Variants in PSMD5 observed in about 807,000 individuals in gnomAD.
PSMD5 encodes the protein proteasome 26S subunit, non-ATPase 5.
PSMD5 carries 40 observed loss-of-function variants against 52.1 expected under a neutral mutation model. That is an observed-to-expected ratio of 0.77 (90% CI 0.60 to 1.00). The LOEUF (loss-of-function observed/expected upper bound fraction) is 1.00, where lower values mean the gene tolerates loss of function less well. PSMD5 is among the 50% of genes least tolerant of loss of function. The pLI, the probability that PSMD5 is intolerant of heterozygous loss-of-function variation, is 0.00. For synonymous variants in PSMD5, 211 were observed against 226.6 expected (o/e 0.93, Z 0.62); for missense variants, 575 against 605.2 (o/e 0.95, Z 0.52).
chr9:120,824,569 T>A lies in PSMD5; in HGVS notation c.931A>T (p.Met311Leu). The change falls in exon 7 of 10, where the codon ATG (methionine) becomes TTG (leucine). Residue 311 changes from methionine to leucine, a missense_variant. By Grantham distance (15) the Met-to-Leu change is conservative. Coordinates refer to ENST00000210313, the MANE Select transcript of PSMD5 (RefSeq NM_005047.4). The part of the protein sequence containing the change: ...FEMIESQDPT[M>L]IGVAVDTVGI... ...ACTGTGTCTACAGCTACACCAATCA[T>A]AGTGGGGTCCTGACTTTCTATCATT... The A allele has an allele frequency of 6.2e-7, 1 of 1,614,168 alleles. No individual in the cohort carries two copies. The highest frequency in any genetic ancestry group is 8.5e-7 in the Non-Finnish European group (1 of 1,180,014).
intron 1 of PSMD5, among the ~76,000 whole-genome samples, chr9:120,839,972 A>T (rs2045222992): frequency 6.6e-6 from 1 of 151,288 alleles, no homozygotes; most frequent in African/African-American, 2.4e-5. Flanking sequence ...AACACAAAAA[A>T]TTAGCTGGGC....
rs2045160986 is a variant in PSMD5, at chr9:120,831,650, G to A, written c.432+182C>T. 7 of 1,109,126 alleles carry A rather than the reference G, an allele frequency of 6.3e-6. No homozygotes were observed. In the Admixed American group the frequency reaches 1.2e-4, roughly 19 times the overall value. 68.7% of individuals were successfully genotyped at this position (1,109,126 alleles called of 1,614,324 possible). ...TGTAGATATGTATATCCTAGAAAAT[G>A]AAAGGGGTTTACTAGTATTTACTTG... On this transcript the variant is annotated intron_variant, in intron 3 of 9. Coordinates refer to ENST00000210313, the MANE Select transcript of PSMD5 (RefSeq NM_005047.4).
At chr9:120,828,443 CT>C (rs34354549) in intron 5 of PSMD5, among the ~76,000 whole-genome samples, 45 of 132,526 alleles carry the variant, frequency 3.4e-4, no homozygotes, top group Admixed American at 3.1e-4. Flanking sequence ...AGCTCATATT[CT>C]TTTTTTTTTT....
At position 120,818,139 on chromosome 9, in the gene PSMD5, G is replaced by A. The variant is rs748613883; in HGVS notation, c.1282C>T (p.Gln428Ter). ...CCTGGACTGTTAAACATAAGTTTCT[G>A]AGCCCAGGGTTGGTTTGCAATGGCC... ...FTAIANQPWA[Q>*]KLMFNSPGFV... Residue 428 changes from glutamine to a stop codon, truncating the protein, a stop_gained, in exon 10 of 10, where the codon CAG becomes TAG. Coordinates refer to ENST00000210313, the MANE Select transcript of PSMD5 (RefSeq NM_005047.4). LOFTEE classifies it high-confidence loss of function. 12 of 1,613,972 alleles carry A rather than the reference G, an allele frequency of 7.4e-6. No homozygotes were observed. The highest frequency in any genetic ancestry group is 1.0e-5 in the Non-Finnish European group (12 of 1,179,884).
chr9:120,841,465 G>A (rs2045235848), intron 1 of PSMD5, among the ~76,000 whole-genome samples: 1 of 152,126 alleles, frequency 6.6e-6, no homozygotes, highest in African/African-American at 2.4e-5. Context: ...TGTAGTCCCA[G>A]GTACTCGGCA....
chr9:120,827,260 A>C (rs1434428576), intron 5 of PSMD5, among the ~76,000 whole-genome samples: 1 of 152,222 alleles, frequency 6.6e-6, no homozygotes, highest in Non-Finnish European at 1.5e-5. Flanking sequence ...CCATATACAC[A>C]TAACCTGATT....
At chr9:120,842,645 C>T (rs1291663679) in intron 1 of PSMD5, 92 bp downstream of exon 1, 1 of 1,486,458 alleles carries the variant, frequency 6.7e-7, no homozygotes, top group Non-Finnish European at 9.1e-7. Flanking sequence ...TCCCCTGTGA[C>T]TGGGAAAAGC....
chr9:120,817,699 C>A lies in PSMD5; in HGVS notation c.*207G>T. ...AAACACTGGATCTATTATGACCAAG[C>A]TTGTCTGCTCTTAATGCATTCCAAA... On this transcript the variant is annotated 3_prime_UTR_variant, in exon 10 of 10. Coordinates refer to ENST00000210313, the MANE Select transcript of PSMD5 (RefSeq NM_005047.4). 1 of 568,122 alleles carries A rather than the reference C, an allele frequency of 1.8e-6. No homozygotes were observed. The highest frequency in any genetic ancestry group is 3.0e-6 in the Non-Finnish European group (1 of 329,290). 35.2% of individuals were successfully genotyped at this position (568,122 alleles called of 1,614,324 possible).
At chr9:120,834,169 C>T (rs112920876) in intron 1 of PSMD5, among the ~76,000 whole-genome samples, 2,668 of 151,720 alleles carry the variant, frequency 0.018, 46 homozygotes, top group Non-Finnish European at 0.029. Context: ...TTAGCAGAGA[C>T]GGGGGTTTCA....
chr9:120,833,574 G>A, intron 1 of PSMD5, 118 bp from the exon 2 acceptor site: 3 of 1,068,398 alleles, frequency 2.8e-6, no homozygotes, highest in Non-Finnish European at 2.7e-6. Context: ...TTTTGAAACA[G>A]CAGCTTTCAC....
In PSMD5 at chr9:120,828,752, T is replaced by C. The variant is rs1254266647; in HGVS notation, c.671+347A>G. ...AGCCCATGTTTTTTCTATCATGCCATAGTGTTGCTATTTAACAATGCCAAA... is the reference window on the plus strand; with the variant it reads ...AGCCCATGTTTTTTCTATCATGCCACAGTGTTGCTATTTAACAATGCCAAA... On this transcript the variant is annotated intron_variant, in intron 5 of 9. Coordinates refer to ENST00000210313, the MANE Select transcript of PSMD5 (RefSeq NM_005047.4). 2.0e-5 allele frequency among the ~76,000 whole-genome samples: 3 copies of C among 152,170 alleles called. No homozygotes were observed. The East Asian group carries it at 5.8e-4, about 29-fold the overall frequency.
chr9:120,829,678 G>A (rs2045146890), intron 4 of PSMD5, among the ~76,000 whole-genome samples: 1 of 152,186 alleles, frequency 6.6e-6, no homozygotes, highest in African/African-American at 2.4e-5. Context: ...TTACAGGCAT[G>A]AGCCACCATG....
intron 9 of PSMD5, among the ~76,000 whole-genome samples, chr9:120,819,868 T>C (rs972945866): frequency 1.9e-4 from 29 of 152,158 alleles, no homozygotes; most frequent in Non-Finnish European, 5.9e-5. Context: ...ATTATAGGAA[T>C]ACCTGTATCC....
chr9:120,831,184 T>G, intron 4 of PSMD5, 147 bp downstream of exon 4: 1 of 849,130 alleles, frequency 1.2e-6, no homozygotes, highest in Admixed American at 3.1e-5. Context: ...CTGTCTCACA[T>G]ACTAGGCTGG....
Position 120,818,089 on chromosome 9 carries a change from C to G in PSMD5, c.1332G>C (p.Arg444=). Residue 444 remains arginine, a synonymous_variant, in exon 10 of 10, where the codon CGG becomes CGC. Coordinates refer to ENST00000210313, the MANE Select transcript of PSMD5 (RefSeq NM_005047.4). ...SPGFVEYVVD[R]SVEHDKASKD... ...TTGAAGCTTTGTCATGCTCCACAGACCGGTCCACCACATATTCTACAAAAC... is the reference window on the plus strand; with the variant it reads ...TTGAAGCTTTGTCATGCTCCACAGAGCGGTCCACCACATATTCTACAAAAC... 1 of 1,614,188 alleles carries G rather than the reference C, an allele frequency of 6.2e-7. No homozygotes were observed. Among genetic ancestry groups the G allele is most frequent in the Non-Finnish European group, 8.5e-7 (1 of 1,180,036 alleles).
rs559865830 is a variant in PSMD5 at position 120,817,110 on chromosome 9, G to T, written c.*796C>A. The T allele has an allele frequency of 6.6e-6, 1 of 151,726 alleles. No homozygotes were observed. Among genetic ancestry groups the T allele is most frequent in the East Asian group, 1.9e-4 (1 of 5,180 alleles). 9.4% of individuals were successfully genotyped at this position (151,726 alleles called of 1,614,324 possible). The stretch of plus-strand genomic sequence containing the variant: ...AAAAAAACAAGAGAGCTCATAAAAA[G>T]TATTCTGAGTATAAGGAACATAATC... On this transcript the variant is annotated 3_prime_UTR_variant, in exon 10 of 10. Coordinates refer to ENST00000210313, the MANE Select transcript of PSMD5 (RefSeq NM_005047.4).
chr9:120,816,949 TGAC>T lies in PSMD5; in HGVS notation c.*954_*956del, dbSNP rs1564472637. ...AATCATGACCTACCAATAAATGAAA[TGAC>T]AGTTTAGGAATCCTTCTGATCCCCC... On this transcript the variant is annotated 3_prime_UTR_variant, in exon 10 of 10. Coordinates refer to ENST00000210313, the MANE Select transcript of PSMD5 (RefSeq NM_005047.4). The T allele has an allele frequency of 6.6e-6, 1 of 152,046 alleles. No individual in the cohort carries two copies. Among genetic ancestry groups the T allele is most frequent in the Non-Finnish European group, 1.5e-5 (1 of 68,006 alleles). 9.4% of individuals were successfully genotyped at this position (152,046 alleles called of 1,614,324 possible). A position where few individuals can be genotyped will look rare whatever the true frequency, so the allele number is the denominator to read the frequency against.
At chr9:120,824,171 A>C (rs2045105791) in intron 7 of PSMD5, 2 of 274,810 alleles carry the variant, frequency 7.3e-6, no homozygotes, top group African/African-American at 2.3e-5. Context: ...GACCTTTCTG[A>C]CTCTAGCCCG....
Position 120,818,734 on chromosome 9 carries a change from T to A in PSMD5, c.1258-571A>T, listed in dbSNP as rs532734428. Among the ~76,000 whole-genome samples, 146 of 147,572 alleles carry A rather than the reference T, an allele frequency of 9.9e-4. 3 individuals are homozygous for A. The highest frequency in any genetic ancestry group is 3.3e-3 in the African/African-American group (133 of 39,946). On this transcript the variant is annotated intron_variant, in intron 9 of 9. Transcript: ENST00000210313. ...TGCCTCTTTTAACATAGACAAATTT[T>A]AAAAAAACGTAACATTGAAGAGAAA...
Sources: allele counts gnomAD v4.1 joint callset (sites outside exome capture counted in the v4.1 genomes callset), GRCh38; gene constraint gnomAD v4.1.1; transcripts MANE v1.5; gene names NCBI Gene and HGNC (gene_info 2026-07-23, HGNC 2026-07-21).